CDIP1: variants seen among roughly 807,000 people sequenced by gnomAD.
CDIP1 encodes the protein cell death-inducing p53-target protein 1.
Under a neutral mutation model 17.7 loss-of-function variants are expected in CDIP1, and 9 were observed. That is an observed-to-expected ratio of 0.51 (90% CI 0.31 to 0.89). The LOEUF (loss-of-function observed/expected upper bound fraction) is 0.89, where lower values mean the gene tolerates loss of function less well. Among genes scored for constraint, CDIP1 ranks in the 40% least tolerant of loss-of-function variants. The probability of loss-of-function intolerance (pLI) is 0.05; values close to 1 mark genes in which losing one functional copy is unlikely to be tolerated. For synonymous variants in CDIP1, 117 were observed against 109.5 expected (o/e 1.07, Z -0.43); for missense variants, 263 against 277.9 (o/e 0.95, Z 0.38).
intron 1 of CDIP1, among the ~76,000 whole-genome samples, chr16:4,529,135 C>A (rs1049833943): frequency 6.6e-6 from 1 of 152,150 alleles, no homozygotes; most frequent in Non-Finnish European, 1.5e-5. Context: ...CAAAGCCAGC[C>A]CCTTATGGCC....
intron 1 of CDIP1, among the ~76,000 whole-genome samples, chr16:4,516,595 C>T (rs948615468): frequency 1.1e-4 from 17 of 152,052 alleles, no homozygotes; most frequent in African/African-American, 3.9e-4. Context: ...CTCAAACAAT[C>T]CTCCTGCCTC....
chr16:4,513,683 C>T lies in CDIP1; in HGVS notation c.241+13G>A, dbSNP rs1327926950. The T allele has an allele frequency of 6.2e-7, 1 of 1,611,256 alleles. No homozygotes were observed. The highest frequency in any genetic ancestry group is 8.5e-7 in the Non-Finnish European group (1 of 1,178,370). ...AGTTCCCCATGCTCCCCTCAGATCC[C>T]TTCCCCACTCACCCGGAGGCATGTA... On this transcript the variant is annotated intron_variant, in intron 4 of 5. Transcript: ENST00000567695. The surrounding 1 kb of genome is among the most constrained non-coding windows in gnomAD (Gnocchi z 4.1).
chr16:4,533,934 A>C (rs1240775445), intron 1 of CDIP1, among the ~76,000 whole-genome samples: 2 of 152,124 alleles, frequency 1.3e-5, no homozygotes, highest in East Asian at 3.9e-4. Context: ...GGGTTGACCT[A>C]AGTGGACCTC....
chr16:4,523,948 G>C (rs1230635654), intron 1 of CDIP1: 1 of 152,258 alleles, frequency 6.6e-6, no homozygotes. Flanking sequence ...CAGTGTCCCA[G>C]GCCCTTCTCC....
intron 1 of CDIP1, chr16:4,532,817 T>C (rs565766656): frequency 2.0e-5 from 3 of 152,308 alleles, no homozygotes; most frequent in African/African-American, 7.2e-5. Flanking sequence ...GAACCTGAGC[T>C]TGACCATGCT....
chr16:4,532,204 A>C (rs949975171), intron 1 of CDIP1: 2 of 152,220 alleles, frequency 1.3e-5, no homozygotes, highest in African/African-American at 4.8e-5. Context: ...TAGGAAGATG[A>C]GACGGCTGAA....
intron 1 of CDIP1, among the ~76,000 whole-genome samples, chr16:4,531,977 G>A (rs747276187): frequency 2.9e-4 from 44 of 152,206 alleles, no homozygotes; most frequent in Non-Finnish European, 5.1e-4. Context: ...CTCAGGCCCC[G>A]CTGGGCCTCT....
At chr16:4,520,549 G>A (rs1369525529) in intron 1 of CDIP1, among the ~76,000 whole-genome samples, 1 of 152,180 alleles carries the variant, frequency 6.6e-6, no homozygotes, top group Admixed American at 6.5e-5. Flanking sequence ...TTAACATCAT[G>A]TGTGGGTCAC....
At chr16:4,537,989 G>C (rs948859120) in intron 1 of CDIP1, among the ~76,000 whole-genome samples, 1 of 152,224 alleles carries the variant, frequency 6.6e-6, no homozygotes, top group Admixed American at 6.5e-5. Context: ...GCTCCGGGAC[G>C]GCCAAGGTCA....
At position 4,523,380 on chromosome 16, in the gene CDIP1, G is replaced by A. The variant is rs2058970431; in HGVS notation, c.-104-8716C>T. Among the ~76,000 whole-genome samples the A allele has an allele frequency of 5.9e-5, 9 of 152,146 alleles. No homozygotes were observed. The South Asian group carries it at 1.7e-3, about 28-fold the overall frequency. On this transcript the variant is annotated intron_variant, in intron 1 of 5. Coordinates refer to ENST00000567695, the MANE Select transcript of CDIP1 (RefSeq NM_013399.3). ...AATACAAAGATTAGCTGGGCGTGGT[G>A]GCACGTGCCTGTAATCCCAGCTACT... is the stretch of plus-strand genomic sequence containing the variant.
intron 1 of CDIP1, among the ~76,000 whole-genome samples, chr16:4,525,926 CATTT>C (rs1453818111): frequency 6.6e-6 from 1 of 152,178 alleles, no homozygotes; most frequent in Non-Finnish European, 1.5e-5. Flanking sequence ...GGCTCTGAAC[CATTT>C]ATTTATTTTT....
chr16:4,536,710 G>C (rs1366779239), intron 1 of CDIP1: 2 of 148,904 alleles, frequency 1.3e-5, no homozygotes, highest in African/African-American at 5.0e-5. Flanking sequence ...GGTGAGGCAA[G>C]AGGATCACTT....
At position 4,512,541 on chromosome 16, in the gene CDIP1, A is replaced by G; in HGVS notation, c.*31T>C. ...GAGCAAAGCACAGGGGGCCAGACTG[A>G]CAGGCGGGGGAGTCCCGAGTCCCAG... On this transcript the variant is annotated 3_prime_UTR_variant, in exon 6 of 6. Transcript: ENST00000567695. This position sits in a 1 kb window ranked among gnomAD's most constrained non-coding sequence, Gnocchi z 4.6. 1 of 1,505,058 alleles carries G rather than the reference A, an allele frequency of 6.6e-7. No homozygotes were observed. Among genetic ancestry groups the G allele is most frequent in the Non-Finnish European group, 9.3e-7 (1 of 1,081,026 alleles). The allele number at this position is 1,505,058 out of a possible 1,614,324, so 93.2% of individuals were successfully genotyped here. A position where few individuals can be genotyped will look rare whatever the true frequency, so the allele number is the denominator to read the frequency against.
In CDIP1 at chr16:4,514,168, A is replaced by G; in HGVS notation, c.-14-24T>C. The G allele has an allele frequency of 7.5e-7, 1 of 1,339,300 alleles. No homozygotes were observed. Among genetic ancestry groups the G allele is most frequent in the Non-Finnish European group, 1.0e-6 (1 of 982,786 alleles). The allele number at this position is 1,339,300 out of a possible 1,614,324, so 83.0% of individuals were successfully genotyped here. On this transcript the variant is annotated intron_variant, in intron 2 of 5. Coordinates refer to ENST00000567695, the MANE Select transcript of CDIP1 (RefSeq NM_013399.3). This position sits in a 1 kb window ranked among gnomAD's most constrained non-coding sequence, Gnocchi z 5.2. The stretch of plus-strand genomic sequence containing the variant: ...TCCTGGACATGGAGGGAAAACCCAG[A>G]CATGAACTAAGCTCCCAGCCAGGTT...
At chr16:4,534,715 G>A (rs2059090056) in intron 1 of CDIP1, among the ~76,000 whole-genome samples, 1 of 142,312 alleles carries the variant, frequency 7.0e-6, no homozygotes, top group African/African-American at 2.8e-5. Flanking sequence ...TTTTTTTTTG[G>A]TTTTTGTTTG....
rs141777274 is a variant in CDIP1, at chr16:4,537,581, C to T, written c.-105+1121G>A. Among the ~76,000 whole-genome samples the T allele has an allele frequency of 3.6e-3, 552 of 152,282 alleles. 1 individual carries two copies. Among genetic ancestry groups the T allele is most frequent in the African/African-American group, 0.013 (528 of 41,546 alleles). ...GGAACGTCCCTGCCCCCGGGCCCGC[C>T]AACCCCCTCACTGGGACAGGTTCTC... is the stretch of plus-strand genomic sequence containing the variant. On this transcript the variant is annotated intron_variant, in intron 1 of 5. Transcript: ENST00000567695.
chr16:4,537,519 G>C lies in CDIP1; in HGVS notation c.-105+1183C>G, dbSNP rs527526201. On this transcript the variant is annotated intron_variant, in intron 1 of 5. Transcript: ENST00000567695. The stretch of plus-strand genomic sequence containing the variant: ...CCGGGCACCGCCCCGCCCAGCATCA[G>C]GCCCCAGAATACAGAAGAAACTGGC... Among the ~76,000 whole-genome samples, 6 of 152,280 alleles carry C rather than the reference G, an allele frequency of 3.9e-5. No homozygotes were observed. The East Asian group carries it at 1.2e-3, about 29-fold the overall frequency.
intron 1 of CDIP1, among the ~76,000 whole-genome samples, chr16:4,534,443 G>A (rs530509651): frequency 2.6e-5 from 4 of 152,312 alleles, no homozygotes; most frequent in Non-Finnish European, 4.4e-5. Context: ...GAGAGCCCAC[G>A]TCTCCCTCAG....
rs939880810 is a variant in CDIP1, at chr16:4,514,451, G to A, written c.-15+124C>T. On this transcript the variant is annotated intron_variant, in intron 2 of 5. Coordinates refer to ENST00000567695, the MANE Select transcript of CDIP1 (RefSeq NM_013399.3). This position sits in a 1 kb window ranked among gnomAD's most constrained non-coding sequence, Gnocchi z 5.2. ...AACTCAGCACTTGCCCCACACGAGA[G>A]CAGTTTGGCACCGAGCTCTCCCCTC... 2.9e-6 allele frequency: 1 copy of A among 344,930 alleles called. No individual in the cohort carries two copies. The highest frequency in any genetic ancestry group is 5.2e-6 in the Non-Finnish European group (1 of 191,994). 21.4% of individuals were successfully genotyped at this position (344,930 alleles called of 1,614,324 possible).
Sources: allele counts gnomAD v4.1 joint callset (sites outside exome capture counted in the v4.1 genomes callset), GRCh38; gene constraint gnomAD v4.1.1; non-coding constraint Gnocchi (gnomAD v3.1); transcripts MANE v1.5; gene names NCBI Gene and HGNC (gene_info 2026-07-23, HGNC 2026-07-21).